PM20D2: variants seen among roughly 807,000 people sequenced by gnomAD.
PM20D2 encodes peptidase M20 domain containing 2, also known as xaa-Arg dipeptidase.
Under a neutral mutation model 42.9 loss-of-function variants are expected in PM20D2, and 33 were observed. The ratio of observed to expected loss-of-function variants is 0.77; its 90% CI spans 0.58 to 1.03. PM20D2 has a LOEUF of 1.03. PM20D2 is among the 50% of genes least tolerant of loss of function. The pLI, the probability that PM20D2 is intolerant of heterozygous loss-of-function variation, is 0.00. For missense variants in PM20D2, 548 were observed against 557.0 expected, an observed-to-expected ratio of 0.98 and a Z score of 0.16; for synonymous variants, 250 against 228.2, an observed-to-expected ratio of 1.10 and a Z score of -0.86.
At chr6:89,125,600 G>A in the PM20D2 span, among the ~76,000 whole-genome samples, 1 of 151,940 alleles carries the variant, frequency 6.6e-6, no homozygotes, top group East Asian at 1.9e-4. Context: ...GACCAAAATG[G>A]TGAAACCCCG....
the PM20D2 span, among the ~76,000 whole-genome samples, chr6:89,138,303 G>C: frequency 6.6e-5 from 10 of 151,920 alleles, no homozygotes; most frequent in Non-Finnish European, 1.5e-4. Context: ...AAGTGTTCCT[G>C]GAGAAAGAAA....
chr6:89,099,879 T>C, the PM20D2 span, among the ~76,000 whole-genome samples: 1 of 152,098 alleles, frequency 6.6e-6, no homozygotes, highest in Non-Finnish European at 1.5e-5. Flanking sequence ...ATAAAACAAC[T>C]GTTCGAAGGC....
upstream of PM20D2, among the ~76,000 whole-genome samples, chr6:89,142,831 G>GT (rs752671037): frequency 2.5e-4 from 38 of 151,868 alleles, no homozygotes; most frequent in Non-Finnish European, 5.2e-4. Flanking sequence ...CTAATTTTTT[G>GT]TATTTTTTAG....
the PM20D2 span, among the ~76,000 whole-genome samples, chr6:89,113,529 G>A: frequency 6.6e-6 from 1 of 151,738 alleles, no homozygotes; most frequent in East Asian, 1.9e-4. Flanking sequence ...GGCTCATCTC[G>A]AACTCCTGAC....
the PM20D2 span, among the ~76,000 whole-genome samples, chr6:89,131,018 T>G: frequency 4.6e-5 from 7 of 151,766 alleles, no homozygotes; most frequent in Non-Finnish European, 8.8e-5. Flanking sequence ...CTTACAGTTC[T>G]GGAAGCTGAA....
chr6:89,095,643 A>G, the PM20D2 span, among the ~76,000 whole-genome samples: 1 of 152,280 alleles, frequency 6.6e-6, no homozygotes, highest in Non-Finnish European at 1.5e-5. Flanking sequence ...TAAACTTTAC[A>G]AATAAAGTAC....
the PM20D2 span, among the ~76,000 whole-genome samples, chr6:89,125,584 C>A: frequency 6.6e-6 from 1 of 151,862 alleles, no homozygotes; most frequent in African/African-American, 2.4e-5. Context: ...AGTTCAAGAC[C>A]AGCCTGACCA....
At chr6:89,107,060 C>T in the PM20D2 span, 4 of 1,172,444 alleles carry the variant, frequency 3.4e-6, no homozygotes, top group Non-Finnish European at 5.1e-6. Context: ...TTTAATTAGG[C>T]AATATTAATC....
intron 4 of PM20D2, among the ~76,000 whole-genome samples, chr6:89,155,300 G>T (rs570214889): frequency 7.2e-6 from 1 of 138,882 alleles, no homozygotes; most frequent in Non-Finnish European, 1.5e-5. Context: ...GGGGGACAGG[G>T]TGTTGCTCTA....
chr6:89,153,318 T>C, intron 3 of PM20D2, 133 bp downstream of exon 3: 1 of 687,822 alleles, frequency 1.5e-6, no homozygotes, highest in East Asian at 3.4e-5. Flanking sequence ...TTTTTAAGCA[T>C]ATTTTCAGAA....
chr6:89,123,556 A>AT, the PM20D2 span, among the ~76,000 whole-genome samples: 2 of 149,592 alleles, frequency 1.3e-5, no homozygotes, highest in Admixed American at 1.3e-4. Context: ...CTCATCTCTA[A>AT]TAAAAATAAA....
At position 89,160,590 on chromosome 6, in the gene PM20D2, C is replaced by T. The variant is rs74951034; in HGVS notation, c.1049-1193C>T. ...TTACTGTGATTTATTCAACAAGTGC[C>T]TGTGTGTCAATCCTGTGAGAAGCTA... On this transcript the variant is annotated intron_variant, in intron 5 of 6. Coordinates refer to ENST00000275072, the MANE Select transcript of PM20D2 (RefSeq NM_001010853.3). Among the ~76,000 whole-genome samples, 441 of 152,260 alleles carry T rather than the reference C, an allele frequency of 2.9e-3. 3 individuals carry two copies. The highest frequency in any genetic ancestry group is 0.01 in the African/African-American group (427 of 41,530).
At chr6:89,094,540 G>A in the PM20D2 span, among the ~76,000 whole-genome samples, 6 of 152,000 alleles carry the variant, frequency 3.9e-5, no homozygotes, top group Non-Finnish European at 7.4e-5. Context: ...ATTTTAATTT[G>A]TAACCTATTT....
the PM20D2 span, among the ~76,000 whole-genome samples, chr6:89,138,663 G>A: frequency 6.6e-6 from 1 of 152,102 alleles, no homozygotes; most frequent in Admixed American, 6.6e-5. Context: ...TCAGGAGGTC[G>A]AGACTATCCT....
chr6:89,151,955 A>G (rs1770862497), intron 2 of PM20D2, among the ~76,000 whole-genome samples: 1 of 151,918 alleles, frequency 6.6e-6, no homozygotes, highest in African/African-American at 2.4e-5. Flanking sequence ...CTGGGCATGG[A>G]GCACTCCTGT....
chr6:89,104,080 T>C, the PM20D2 span, among the ~76,000 whole-genome samples: 3 of 134,772 alleles, frequency 2.2e-5, no homozygotes, highest in African/African-American at 8.3e-5. Context: ...CAAGTGATAC[T>C]CCCACCTCAG....
At chr6:89,156,873 G>A (rs1254575339) in intron 4 of PM20D2, among the ~76,000 whole-genome samples, 1 of 152,170 alleles carries the variant, frequency 6.6e-6, no homozygotes, top group African/African-American at 2.4e-5. Context: ...TATGCCACTA[G>A]AGAAGATGGT....
rs1165220383 is a variant in PM20D2 at position 89,165,175 on chromosome 6, A to C, written c.*2912A>C. 1 of 151,940 alleles carries C rather than the reference A, an allele frequency of 6.6e-6. No homozygotes were observed. The highest frequency in any genetic ancestry group is 1.5e-5 in the Non-Finnish European group (1 of 67,966). The allele number at this position is 151,940 out of a possible 1,614,324, so 9.4% of individuals were successfully genotyped here. ...TTTAAGGATGATTGTCTAATTTTGTAATATGTTGTTTTTTAAAAACCTGTC... is the reference window on the plus strand; with the variant it reads ...TTTAAGGATGATTGTCTAATTTTGTCATATGTTGTTTTTTAAAAACCTGTC... On this transcript the variant is annotated 3_prime_UTR_variant, in exon 7 of 7. Transcript: ENST00000275072.
At chr6:89,143,767 G>A (rs562318989), upstream of PM20D2, among the ~76,000 whole-genome samples, 11 of 152,330 alleles carry the variant, frequency 7.2e-5, no homozygotes, top group South Asian at 2.1e-3. Flanking sequence ...AAAGCCACAT[G>A]TCCAACTCCA....
Sources: gnomAD v4.1 joint callset for allele counts (sites outside exome capture counted in the v4.1 genomes callset) on GRCh38, gnomAD v4.1.1 for gene constraint, MANE v1.5 for transcripts, NCBI Gene and HGNC (gene_info 2026-07-23, HGNC 2026-07-21) for gene names.